TTC28: variants seen among roughly 807,000 people sequenced by gnomAD.
The protein encoded by TTC28 is tetratricopeptide repeat domain 28.
A neutral mutation model predicts 198.0 loss-of-function variants in TTC28; 61 were observed. The ratio of observed to expected loss-of-function variants is 0.31; its 90% CI spans 0.25 to 0.38. TTC28 has a LOEUF of 0.38. Ranked by LOEUF, TTC28 falls within the 10% of genes least tolerant of loss-of-function variation. TTC28 has a pLI of 1.00. For synonymous variants in TTC28, 1,171 were observed against 1,297.8 expected (o/e 0.90, Z 2.10); for missense variants, 2,678 against 3,164.0 (o/e 0.85, Z 3.69).
intron 2 of TTC28, among the ~76,000 whole-genome samples, chr22:28,567,493 T>TATATATATATATAC (rs1333107615): frequency 4.1e-5 from 5 of 121,316 alleles, no homozygotes; most frequent in South Asian, 2.7e-4. Flanking sequence ...TATATATATA[T>TATATATATATATAC]ATATATATAT....
At chr22:28,084,999 T>C (rs950118091) in intron 12 of TTC28, among the ~76,000 whole-genome samples, 2 of 151,862 alleles carry the variant, frequency 1.3e-5, no homozygotes, top group Non-Finnish European at 1.5e-5. Flanking sequence ...CTCCAAGAAA[T>C]ATGGGACTAT....
chr22:28,234,033 A>G (rs1449751228), intron 5 of TTC28, among the ~76,000 whole-genome samples: 6 of 151,650 alleles, frequency 4.0e-5, no homozygotes, highest in Admixed American at 3.9e-4. Flanking sequence ...CAGCCTCCCG[A>G]GTAGCTGGGA....
intron 12 of TTC28, among the ~76,000 whole-genome samples, chr22:28,040,941 A>G (rs1939606942): frequency 6.6e-6 from 1 of 152,196 alleles, no homozygotes; most frequent in Non-Finnish European, 1.5e-5. Flanking sequence ...CTACACCAAT[A>G]ATAGACAAAC....
intron 2 of TTC28, among the ~76,000 whole-genome samples, chr22:28,589,941 G>A (rs2050393582): frequency 6.8e-6 from 1 of 147,924 alleles, no homozygotes; most frequent in South Asian, 2.1e-4. Flanking sequence ...GGGAGGCTGA[G>A]GCAGAGAACT....
intron 2 of TTC28, among the ~76,000 whole-genome samples, chr22:28,532,946 T>C (rs2049173425): frequency 6.6e-6 from 1 of 152,128 alleles, no homozygotes; most frequent in Non-Finnish European, 1.5e-5. Context: ...CCACAGCCAA[T>C]GTCATACTGA....
intron 2 of TTC28, among the ~76,000 whole-genome samples, chr22:28,417,280 T>A (rs983818961): frequency 1.1e-5 from 1 of 88,218 alleles, no homozygotes; most frequent in Admixed American, 1.7e-4. Context: ...CTGAGAAACA[T>A]AGCAAGACCC....
rs567709763 is a variant in TTC28 at position 28,403,232 on chromosome 22, C to T, written c.382-96589G>A. Reference sequence around the variant, plus strand: ...TTGGCCAATAGTCTATTGTAACCAGCGCTAGAGACCCAACACGACTATCTA... The same window carrying T: ...TTGGCCAATAGTCTATTGTAACCAGTGCTAGAGACCCAACACGACTATCTA... On this transcript the variant is annotated intron_variant, in intron 2 of 22. Transcript: ENST00000397906. Among the ~76,000 whole-genome samples, 7 of 152,196 alleles carry T rather than the reference C, an allele frequency of 4.6e-5. No individual in the cohort carries two copies. In the East Asian group the frequency reaches 5.8e-4, roughly 13 times the overall value.
chr22:28,184,234 A>G (rs1923973026), intron 5 of TTC28, among the ~76,000 whole-genome samples: 1 of 152,240 alleles, frequency 6.6e-6, no homozygotes, highest in Admixed American at 6.5e-5. Context: ...ATTATTACAG[A>G]TAGTAAATAC....
intron 2 of TTC28, among the ~76,000 whole-genome samples, chr22:28,582,061 C>G (rs2050241063): frequency 6.6e-6 from 1 of 151,796 alleles, no homozygotes; most frequent in East Asian, 1.9e-4. Context: ...AGCAAAAATT[C>G]ATACCTATAA....
chr22:28,033,417 T>C (rs1939211781), intron 12 of TTC28, among the ~76,000 whole-genome samples: 1 of 152,186 alleles, frequency 6.6e-6, no homozygotes, highest in African/African-American at 2.4e-5. Flanking sequence ...CTGGTCACCA[T>C]AGGCCCTGAT....
intron 1 of TTC28, among the ~76,000 whole-genome samples, chr22:28,646,234 G>A (rs1259021442): frequency 2.6e-5 from 4 of 152,190 alleles, no homozygotes; most frequent in Non-Finnish European, 5.9e-5. Flanking sequence ...GATGTACACA[G>A]ATCAGTGGCA....
At chr22:28,237,139 G>C (rs1249882518) in intron 5 of TTC28, among the ~76,000 whole-genome samples, 1 of 151,674 alleles carries the variant, frequency 6.6e-6, no homozygotes, top group Non-Finnish European at 1.5e-5. Context: ...ATGTGCTCTC[G>C]CTCGCTGGTG....
intron 2 of TTC28, among the ~76,000 whole-genome samples, chr22:28,353,872 T>C (rs1412840319): frequency 6.6e-6 from 1 of 152,152 alleles, no homozygotes; most frequent in Non-Finnish European, 1.5e-5. Flanking sequence ...GCCAAAGGAC[T>C]TGAAGAGACA....
rs558244181 is a variant in TTC28, at chr22:28,107,969, C to A, written c.1876G>T (p.Asp626Tyr). 8.4e-6 allele frequency: 13 copies of A among 1,551,570 alleles called. No homozygotes were observed. The South Asian group carries it at 1.2e-4, about 14-fold the overall frequency. The change falls in exon 7 of 23, where the codon GAC (aspartate) becomes TAC (tyrosine). Residue 626 changes from aspartate (D) to tyrosine (Y), a missense_variant. By Grantham distance (160) the Asp-to-Tyr change is radical. This residue lies in a region of TTC28 where 775 missense variants were observed against 845.9 expected (regional missense o/e 0.92). Coordinates refer to ENST00000397906, the MANE Select transcript of TTC28 (RefSeq NM_001145418.2). ...YYEQYLRLAP[D>Y]LQDMEGEGKV... Reference sequence around the variant, plus strand: ...CCTTCTCCTTCCATGTCTTGAAGGTCGGGAGCAAGCCGGAGGTACTGTTCA... The same window carrying A: ...CCTTCTCCTTCCATGTCTTGAAGGTAGGGAGCAAGCCGGAGGTACTGTTCA...
Position 28,249,774 on chromosome 22 carries a change from G to A in TTC28, c.933+46424C>T, listed in dbSNP as rs548697303. The stretch of plus-strand genomic sequence containing the variant: ...AAACATATTGTCCAGCAAAATGAGA[G>A]GATGGATGTGTTTCCAGCTCAGGAA... On this transcript the variant is annotated intron_variant, in intron 5 of 22. Coordinates refer to ENST00000397906, the MANE Select transcript of TTC28 (RefSeq NM_001145418.2). 3.9e-5 allele frequency among the ~76,000 whole-genome samples: 6 copies of A among 152,280 alleles called. No homozygotes were observed. The South Asian group carries it at 1.2e-3, about 32-fold the overall frequency.
intron 1 of TTC28, among the ~76,000 whole-genome samples, chr22:28,670,037 G>C (rs183292014): frequency 6.9e-6 from 1 of 145,348 alleles, no homozygotes; most frequent in African/African-American, 2.5e-5. Flanking sequence ...CCATAAAATG[G>C]CCATAGATGG....
At chr22:28,443,711 A>T (rs1234816786) in intron 2 of TTC28, among the ~76,000 whole-genome samples, 1 of 152,166 alleles carries the variant, frequency 6.6e-6, no homozygotes, top group Non-Finnish European at 1.5e-5. Flanking sequence ...AGCCACACAG[A>T]GCAAACGGTT....
intron 2 of TTC28, among the ~76,000 whole-genome samples, chr22:28,614,929 C>A (rs1380161878): frequency 1.3e-5 from 2 of 151,990 alleles, no homozygotes; most frequent in Non-Finnish European, 2.9e-5. Flanking sequence ...GCAACAAAAG[C>A]CAAAATTGAC....
At chr22:28,498,367 A>C (rs1234938823) in intron 2 of TTC28, among the ~76,000 whole-genome samples, 1 of 152,196 alleles carries the variant, frequency 6.6e-6, no homozygotes, top group African/African-American at 2.4e-5. Context: ...AAAGTAGAAA[A>C]ATTTAAATTA....
Sources: allele counts gnomAD v4.1 joint callset (sites outside exome capture counted in the v4.1 genomes callset), GRCh38; gene constraint gnomAD v4.1.1; regional missense constraint gnomAD v4.1.1; transcripts MANE v1.5; gene names NCBI Gene and HGNC (gene_info 2026-07-23, HGNC 2026-07-21).